Variants in NIBAN1 observed in about 807,000 individuals in gnomAD.
The protein encoded by NIBAN1 is niban apoptosis regulator 1, also known as protein Niban 1.
NIBAN1 carries 81 observed loss-of-function variants against 75.1 expected under a neutral mutation model. The observed-to-expected ratio is 1.08, with a 90% CI of 0.90 to 1.30. NIBAN1 has a LOEUF of 1.30. Ranked by LOEUF, NIBAN1 falls within the 50% of genes most tolerant of loss-of-function variation. The pLI is 0.00. For missense variants in NIBAN1, 1,133 were observed against 1,128.1 expected (o/e 1.00, Z -0.06); for synonymous variants, 436 against 424.8 (o/e 1.03, Z -0.32).
intron 1 of NIBAN1, among the ~76,000 whole-genome samples, chr1:184,908,565 G>T (rs1012648742): frequency 2.0e-5 from 3 of 151,992 alleles, no homozygotes; most frequent in Non-Finnish European, 2.9e-5. Flanking sequence ...CTTAAGTTTG[G>T]TTTCCTCTTT....
chr1:184,816,769 C>T (rs1376043139), intron 9 of NIBAN1, among the ~76,000 whole-genome samples: 3 of 151,684 alleles, frequency 2.0e-5, no homozygotes, highest in African/African-American at 7.3e-5. Context: ...GGTTTCAAAA[C>T]CATATAAGTA....
At chr1:184,798,010 T>C in intron 13 of NIBAN1, 69 bp downstream of exon 13, 1 of 963,450 alleles carries the variant, frequency 1.0e-6, no homozygotes, top group Non-Finnish European at 1.6e-6. Flanking sequence ...TGACTGGCCT[T>C]ACAGAGTCCT....
intron 5 of NIBAN1, among the ~76,000 whole-genome samples, chr1:184,880,114 C>T (rs1295198815): frequency 1.3e-5 from 2 of 152,238 alleles, no homozygotes; most frequent in Non-Finnish European, 1.5e-5. Flanking sequence ...TTGAACAAAA[C>T]TTTGCCAGCA....
intron 1 of NIBAN1, among the ~76,000 whole-genome samples, chr1:184,924,827 C>T (rs551759137): frequency 2.2e-4 from 33 of 152,186 alleles, no homozygotes; most frequent in African/African-American, 7.9e-4. Flanking sequence ...TATAGTTAGC[C>T]ATAGTGGCCA....
At chr1:184,804,051 A>G (rs1654120997) in intron 11 of NIBAN1, among the ~76,000 whole-genome samples, 2 of 152,232 alleles carry the variant, frequency 1.3e-5, no homozygotes, top group South Asian at 4.1e-4. Context: ...ATTACTCCAC[A>G]TCTTCAAACC....
chr1:184,833,852 TTTTC>T (rs1655063246), intron 5 of NIBAN1, among the ~76,000 whole-genome samples: 4 of 151,586 alleles, frequency 2.6e-5, no homozygotes, highest in Admixed American at 6.6e-5. Flanking sequence ...TTTGAAAATT[TTTTC>T]TTTTTTTTTT....
rs746745791 is a variant in NIBAN1, at chr1:184,869,283, C to T, written c.601+15350G>A. ...GAGATCATCCATGTACACCTACACA[C>T]GGTACAGCTTACCAGAGTGAGCTCT... On this transcript the variant is annotated intron_variant, in intron 5 of 13. Coordinates refer to ENST00000367511, the MANE Select transcript of NIBAN1 (RefSeq NM_052966.4). 4.6e-5 allele frequency among the ~76,000 whole-genome samples: 7 copies of T among 152,244 alleles called. No homozygotes were observed. In the East Asian group the frequency reaches 5.8e-4, roughly 13 times the overall value.
chr1:184,880,754 G>A (rs1030343818), intron 5 of NIBAN1, among the ~76,000 whole-genome samples: 1 of 152,156 alleles, frequency 6.6e-6, no homozygotes, highest in Non-Finnish European at 1.5e-5. Flanking sequence ...AACTACAATC[G>A]TATTTTGCAA....
chr1:184,807,804 A>C (rs1654248315), intron 10 of NIBAN1, among the ~76,000 whole-genome samples: 1 of 152,214 alleles, frequency 6.6e-6, no homozygotes, highest in African/African-American at 2.4e-5. Context: ...TCCAATGTGT[A>C]GCCAAGGTTA....
intron 5 of NIBAN1, among the ~76,000 whole-genome samples, chr1:184,881,917 C>T (rs1400912108): frequency 6.6e-6 from 1 of 152,136 alleles, no homozygotes; most frequent in East Asian, 1.9e-4. Context: ...CCTATCTCAT[C>T]CTGTGACTTA....
chr1:184,942,820 ACT>A (rs1374293992), intron 1 of NIBAN1, among the ~76,000 whole-genome samples: 4 of 152,034 alleles, frequency 2.6e-5, no homozygotes, highest in Admixed American at 6.6e-5. Flanking sequence ...TCACCTTGTA[ACT>A]CTGCACTGAC....
intron 12 of NIBAN1, among the ~76,000 whole-genome samples, chr1:184,799,507 G>A (rs996584953): frequency 4.7e-5 from 7 of 148,814 alleles, no homozygotes; most frequent in Non-Finnish European, 1.0e-4. Flanking sequence ...AAACATATGT[G>A]TGCATGTGTC....
intron 3 of NIBAN1, among the ~76,000 whole-genome samples, chr1:184,893,220 T>C (rs1251044718): frequency 6.6e-6 from 1 of 152,178 alleles, no homozygotes; most frequent in East Asian, 1.9e-4. Flanking sequence ...TCTGGGAGGA[T>C]AGTGGGATCA....
chr1:184,863,786 C>G lies in NIBAN1; in HGVS notation c.601+20847G>C, dbSNP rs148960921. On this transcript the variant is annotated intron_variant, in intron 5 of 13. Coordinates refer to ENST00000367511, the MANE Select transcript of NIBAN1 (RefSeq NM_052966.4). ...AGCAATAAGCAGTAAGAGCAGAGAT[C>G]TAGGTATTCATTGGTTTAATAGCTT... 1.0e-3 allele frequency among the ~76,000 whole-genome samples: 152 copies of G among 152,288 alleles called. 1 individual carries two copies. Among genetic ancestry groups the G allele is most frequent in the Non-Finnish European group, 1.3e-3 (87 of 68,022 alleles).
chr1:184,883,252 T>C (rs1036591400), intron 5 of NIBAN1, among the ~76,000 whole-genome samples: 1 of 152,230 alleles, frequency 6.6e-6, no homozygotes, highest in African/African-American at 2.4e-5. Flanking sequence ...AGTTCGGCAC[T>C]CCTTTCTTCA....
chr1:184,835,634 GCTCT>G (rs1242171954), intron 5 of NIBAN1, among the ~76,000 whole-genome samples: 1 of 152,086 alleles, frequency 6.6e-6, no homozygotes, highest in East Asian at 1.9e-4. Context: ...TCACGATTTG[GCTCT>G]CTGTTTGTCT....
chr1:184,967,974 C>A (rs1658842480), intron 1 of NIBAN1, among the ~76,000 whole-genome samples: 1 of 9,444 alleles, frequency 1.1e-4, no homozygotes, highest in Admixed American at 1.1e-3. Flanking sequence ...GAGGCCGAGG[C>A]GGGTGGATCA....
chr1:184,867,519 T>C (rs1223852170), intron 5 of NIBAN1, among the ~76,000 whole-genome samples: 1 of 152,122 alleles, frequency 6.6e-6, no homozygotes, highest in African/African-American at 2.4e-5. Context: ...TCAACTATTA[T>C]CCTCCTCACT....
chr1:184,804,692 A>G (rs1654139993), intron 11 of NIBAN1, among the ~76,000 whole-genome samples: 2 of 150,804 alleles, frequency 1.3e-5, no homozygotes, highest in South Asian at 4.2e-4. Context: ...ACGCTAAAGC[A>G]TTTGACACTG....
Sources: gnomAD v4.1 joint callset for allele counts (sites outside exome capture counted in the v4.1 genomes callset) on GRCh38, gnomAD v4.1.1 for gene constraint, MANE v1.5 for transcripts, NCBI Gene and HGNC (gene_info 2026-07-23, HGNC 2026-07-21) for gene names.